RCN2: variants seen among roughly 807,000 people sequenced by gnomAD.
RCN2 encodes the protein reticulocalbin 2, also known as reticulocalbin-2.
Under a neutral mutation model 37.5 loss-of-function variants are expected in RCN2, and 23 were observed. The ratio of observed to expected loss-of-function variants is 0.61; its 90% CI spans 0.44 to 0.87. The LOEUF (loss-of-function observed/expected upper bound fraction) is 0.87. Ranked by LOEUF, RCN2 falls within the 40% of genes least tolerant of loss-of-function variation. The pLI is 0.00. For missense variants in RCN2, 381 were observed against 390.4 expected, an observed-to-expected ratio of 0.98 and a Z score of 0.20; for synonymous variants, 140 against 144.6, an observed-to-expected ratio of 0.97 and a Z score of 0.23.
At position 76,948,402 on chromosome 15, in the gene RCN2, A is replaced by G. The variant is rs1368960008; in HGVS notation, c.659-8A>G. On this transcript the variant is annotated splice_region_variant and splice_polypyrimidine_tract_variant and intron_variant, in intron 5 of 6. Transcript: ENST00000394885. ...TGTGTATGTATATTTGTGTTTTTTTATATTAAGCTGCAAATGAAGATCCAG... is the reference window on the plus strand; with the variant it reads ...TGTGTATGTATATTTGTGTTTTTTTGTATTAAGCTGCAAATGAAGATCCAG... 3.2e-6 allele frequency: 5 copies of G among 1,576,660 alleles called. No individual in the cohort carries two copies. Among genetic ancestry groups the G allele is most frequent in the Admixed American group, 3.5e-5 (2 of 56,568 alleles).
rs2075312580 is a variant in RCN2 at position 76,949,962 on chromosome 15, G to A, written c.*740G>A. The A allele has an allele frequency of 6.6e-6, 1 of 151,122 alleles. No homozygotes were observed. Among genetic ancestry groups the A allele is most frequent in the Non-Finnish European group, 1.5e-5 (1 of 67,952 alleles). The allele number at this position is 151,122 out of a possible 1,614,324, so 9.4% of individuals were successfully genotyped here. A position where few individuals can be genotyped will look rare whatever the true frequency, so the allele number is the denominator to read the frequency against. On this transcript the variant is annotated 3_prime_UTR_variant, in exon 7 of 7. Coordinates refer to ENST00000394885, the MANE Select transcript of RCN2 (RefSeq NM_002902.3). ...AAATATTGAATTTAGCATAGGTTTT[G>A]TGGTATTGTACATTATCTTGCCTCA...
chr15:76,935,862 T>C lies in RCN2; in HGVS notation c.447+140T>C, dbSNP rs558381155. On this transcript the variant is annotated intron_variant, in intron 3 of 6. Coordinates refer to ENST00000394885, the MANE Select transcript of RCN2 (RefSeq NM_002902.3). ...GAAATCACCTGTTCCACTTCAGCAGTCATTTTGATGGTTTCCTTTCTGGCC... is the reference window on the plus strand; with the variant it reads ...GAAATCACCTGTTCCACTTCAGCAGCCATTTTGATGGTTTCCTTTCTGGCC... The C allele has an allele frequency of 9.3e-5, 54 of 579,680 alleles. No individual in the cohort carries two copies. The East Asian group carries it at 1.4e-3, about 15-fold the overall frequency. The allele number at this position is 579,680 out of a possible 1,614,324, so 35.9% of individuals were successfully genotyped here.
At position 76,949,390 on chromosome 15, in the gene RCN2, A is replaced by C. The variant is rs1035881968; in HGVS notation, c.*168A>C. On this transcript the variant is annotated 3_prime_UTR_variant, in exon 7 of 7. Coordinates refer to ENST00000394885, the MANE Select transcript of RCN2 (RefSeq NM_002902.3). ...GGTCTTTTAGGAAAAAAAAACAAAA[A>C]TCTGATATTTATTTCAAAATGTATT... 3.2e-5 allele frequency: 15 copies of C among 464,920 alleles called. No individual in the cohort carries two copies. The highest frequency in any genetic ancestry group is 4.7e-5 in the Non-Finnish European group (13 of 274,292). 28.8% of individuals were successfully genotyped at this position (464,920 alleles called of 1,614,324 possible).
rs113769669 is a variant in RCN2 at position 76,937,539 on chromosome 15, C to T, written c.447+1817C>T. ...CCTCCCAGCACAGCCCCCGAAGTAG[C>T]TGGGATTTCAGGCTCAAGCCACCAC... On this transcript the variant is annotated intron_variant, in intron 3 of 6. Coordinates refer to ENST00000394885, the MANE Select transcript of RCN2 (RefSeq NM_002902.3). 1.7e-3 allele frequency among the ~76,000 whole-genome samples: 264 copies of T among 152,078 alleles called. 2 individuals carry two copies. Among genetic ancestry groups the T allele is most frequent in the African/African-American group, 5.7e-3 (236 of 41,484 alleles).
chr15:76,947,387 CT>C (rs3215250), intron 4 of RCN2, 33 bp from the exon 5 acceptor site: 1,716 of 1,269,154 alleles, frequency 1.4e-3, no homozygotes, highest in African/African-American at 5.6e-3. Context: ...CATTTTGTAA[CT>C]TTTTTTTTTC....
rs11633951 is a variant in RCN2 at position 76,953,898 on chromosome 15, C to T, written c.*4676C>T. On this transcript the variant is annotated 3_prime_UTR_variant, in exon 7 of 7. Transcript: ENST00000394885. ...CTGGGATTACAGGCGTGAGCCACCG[C>T]GCCCGACTAGTAATTCTATTTTTAA... 1,285 of 151,610 alleles carry T rather than the reference C, an allele frequency of 8.5e-3. 9 individuals carry two copies. Among genetic ancestry groups the T allele is most frequent in the Non-Finnish European group, 0.012 (812 of 67,882 alleles). The allele number at this position is 151,610 out of a possible 1,614,324, so 9.4% of individuals were successfully genotyped here.
At chr15:76,942,543 A>G (rs777826446) in intron 3 of RCN2, 3 of 152,238 alleles carry the variant, frequency 2.0e-5, no homozygotes, top group Non-Finnish European at 4.4e-5. Flanking sequence ...GAGAGAAAGT[A>G]GAAAAGGATA....
intron 3 of RCN2, among the ~76,000 whole-genome samples, chr15:76,937,816 T>A (rs2075258996): frequency 6.6e-6 from 1 of 152,170 alleles, no homozygotes; most frequent in Non-Finnish European, 1.5e-5. Context: ...AAAGACTAAT[T>A]TTATTTAGGA....
At chr15:76,948,267 C>T (rs930407359) in intron 5 of RCN2, 143 bp from the exon 6 acceptor site, 4 of 493,702 alleles carry the variant, frequency 8.1e-6, no homozygotes, top group Non-Finnish European at 1.4e-5. Flanking sequence ...TATGTCAGGA[C>T]TTTTCAGTTA....
chr15:76,949,195 T>C lies in RCN2; in HGVS notation c.927T>C (p.Asp309=), dbSNP rs769262379. The change falls in exon 7 of 7, where the codon GAT becomes GAC. Residue 309 remains aspartate (D), a synonymous_variant. Transcript: ENST00000394885. Reference sequence around the variant, plus strand: ...CAGATTATGGCAGACAGCTCCATGATGACTATTTCTATCATGATGAGCTTT... The same window carrying C: ...CAGATTATGGCAGACAGCTCCATGACGACTATTTCTATCATGATGAGCTTT... ...EATDYGRQLH[D]DYFYHDEL 2.5e-6 allele frequency: 4 copies of C among 1,611,616 alleles called. No homozygotes were observed. The highest frequency in any genetic ancestry group is 1.7e-5 in the Admixed American group (1 of 59,484).
Position 76,931,788 on chromosome 15 carries a change from G to GC in RCN2, c.-49dup. On this transcript the variant is annotated 5_prime_UTR_variant, in exon 1 of 7. Coordinates refer to ENST00000394885, the MANE Select transcript of RCN2 (RefSeq NM_002902.3). ...CCGCGGAGCATCGCAGCCGGCCCGGGCCCCCGCCAGCCTCCCTCCTCGCGT... is the reference window on the plus strand; with the variant it reads ...CCGCGGAGCATCGCAGCCGGCCCGGGCCCCCCGCCAGCCTCCCTCCTCGCGT... 2 of 1,186,956 alleles carry GC rather than the reference G, an allele frequency of 1.7e-6. No homozygotes were observed. Among genetic ancestry groups the GC allele is most frequent in the Non-Finnish European group, 2.1e-6 (2 of 957,528 alleles). The allele number at this position is 1,186,956 out of a possible 1,614,324, so 73.5% of individuals were successfully genotyped here.
At chr15:76,940,525 A>G (rs62027276) in intron 3 of RCN2, among the ~76,000 whole-genome samples, 11,398 of 151,214 alleles carry the variant, frequency 0.075, 485 homozygotes, top group Middle Eastern at 0.1. Flanking sequence ...GACGAAAGTC[A>G]GCTTAATATC....
rs944892875 is a variant in RCN2, at chr15:76,941,078, C to T, written c.448-2680C>T. ...AGACGGAGTCTTGCTCTGTCACCCA[C>T]GCTGGAGTGCAGTGGGGCAATCTTG... On this transcript the variant is annotated intron_variant, in intron 3 of 6. Coordinates refer to ENST00000394885, the MANE Select transcript of RCN2 (RefSeq NM_002902.3). Among the ~76,000 whole-genome samples, 12 of 151,584 alleles carry T rather than the reference C, an allele frequency of 7.9e-5. No homozygotes were observed. The East Asian group carries it at 1.8e-3, about 22-fold the overall frequency.
Position 76,949,182 on chromosome 15 carries a change from G to T in RCN2, c.914G>T (p.Arg305Ile), listed in dbSNP as rs775604128. The T allele has an allele frequency of 6.2e-7, 1 of 1,612,690 alleles. No homozygotes were observed. Among genetic ancestry groups the T allele is most frequent in the Non-Finnish European group, 8.5e-7 (1 of 1,179,332 alleles). The change falls in exon 7 of 7, where the codon AGA (arginine) becomes ATA (isoleucine). Residue 305 changes from arginine to isoleucine, a missense_variant. By Grantham distance (97) the Arg-to-Ile change is moderately conservative. Transcript: ENST00000394885. Reference sequence around the variant, plus strand: ...ACCAGTGAAGCCACAGATTATGGCAGACAGCTCCATGATGACTATTTCTAT... The same window carrying T: ...ACCAGTGAAGCCACAGATTATGGCATACAGCTCCATGATGACTATTTCTAT... The part of the protein sequence containing the change: ...FLTSEATDYG[R>I]QLHDDYFYHD...
rs1226741287 is a variant in RCN2, at chr15:76,953,572, TATATATATATATATATATA to T, written c.*4351_*4369del. On this transcript the variant is annotated 3_prime_UTR_variant, in exon 7 of 7. Coordinates refer to ENST00000394885, the MANE Select transcript of RCN2 (RefSeq NM_002902.3). Reference sequence around the variant, plus strand: ...TAGTAATTCTATATATATATATATATATATATATATATATATATATATTTTTTTTTTTTTTTTTTTTTTT... The same window carrying T: ...TAGTAATTCTATATATATATATATATTATTTTTTTTTTTTTTTTTTTTTTT... 292 of 18,202 alleles carry T rather than the reference TATATATATATATATATATA, an allele frequency of 0.016. 3 individuals carry two copies. Among genetic ancestry groups the T allele is most frequent in the Non-Finnish European group, 0.028 (244 of 8,592 alleles). 1.1% of individuals were successfully genotyped at this position (18,202 alleles called of 1,614,324 possible).
chr15:76,933,537 G>A (rs1301090873), intron 2 of RCN2, among the ~76,000 whole-genome samples: 1 of 152,084 alleles, frequency 6.6e-6, no homozygotes, highest in East Asian at 1.9e-4. Flanking sequence ...AAGACTGCGT[G>A]GTACCTATCT....
At chr15:76,943,708 A>G (rs770866416) in intron 3 of RCN2, 50 bp from the exon 4 acceptor site, 3 of 953,586 alleles carry the variant, frequency 3.1e-6, no homozygotes, top group Middle Eastern at 2.4e-4. Context: ...GTATTTTTCA[A>G]AGTATTTAAA....
intron 4 of RCN2, 105 bp from the exon 5 acceptor site, chr15:76,947,316 T>C (rs1568461721): frequency 1.5e-6 from 1 of 687,690 alleles, no homozygotes; most frequent in Non-Finnish European, 2.4e-6. Context: ...GCTCCAAAAA[T>C]TATCATTTAT....
chr15:76,938,072 A>T (rs2075260457), intron 3 of RCN2, among the ~76,000 whole-genome samples: 1 of 152,212 alleles, frequency 6.6e-6, no homozygotes, highest in South Asian at 2.1e-4. Context: ...GAGGATCACC[A>T]AGAATTTTTT....
Sources: allele counts gnomAD v4.1 joint callset (sites outside exome capture counted in the v4.1 genomes callset), GRCh38; gene constraint gnomAD v4.1.1; transcripts MANE v1.5; gene names NCBI Gene and HGNC (gene_info 2026-07-23, HGNC 2026-07-21).